NXNL2: variants seen among roughly 807,000 people sequenced by gnomAD.
NXNL2 encodes the protein nucleoredoxin-like protein 2.
Under a neutral mutation model 11.1 loss-of-function variants are expected in NXNL2, and 7 were observed. The observed-to-expected ratio is 0.63, with a 90% CI of 0.36 to 1.18. The LOEUF (loss-of-function observed/expected upper bound fraction) is 1.18, where lower values mean the gene tolerates loss of function less well. Ranked by LOEUF, NXNL2 falls within the 50% of genes most tolerant of loss-of-function variation. NXNL2 has a pLI of 0.02. For synonymous variants in NXNL2, 109 were observed against 101.8 expected (o/e 1.07, Z -0.42); for missense variants, 233 against 217.7 (o/e 1.07, Z -0.44).
At position 88,540,388 on chromosome 9, in the gene NXNL2, T is replaced by C. The variant is rs377622585; in HGVS notation, c.303-3991T>C. On this transcript the variant is annotated intron_variant, in intron 1 of 1. Transcript: ENST00000375854. ...ATTCTTAAGATGCTAGAGAGGGACA[T>C]CTCTGCCACATCTTTCATGCTGACT... is the stretch of plus-strand genomic sequence containing the variant. Among the ~76,000 whole-genome samples, 86 of 151,738 alleles carry C rather than the reference T, an allele frequency of 5.7e-4. 1 individual carries two copies. The South Asian group carries it at 0.017, about 29-fold the overall frequency.
chr9:88,574,620 C>G (rs1830321746), intron 2 of NXNL2, among the ~76,000 whole-genome samples: 1 of 152,190 alleles, frequency 6.6e-6, no homozygotes, highest in Non-Finnish European at 1.5e-5. Context: ...ATGTTGAGCT[C>G]TGTCTGTCCT....
exon 2 of NXNL2, chr9:88,571,101 T>G: frequency 2.4e-6 from 1 of 418,888 alleles, no homozygotes; most frequent in Non-Finnish European, 4.7e-6. Flanking sequence ...AGTCTCGCTC[T>G]GTTGCCCAGG....
chr9:88,576,959 G>A (rs1177378570), downstream of NXNL2, among the ~76,000 whole-genome samples: 2 of 14,684 alleles, frequency 1.4e-4, no homozygotes, highest in African/African-American at 3.5e-4. Flanking sequence ...CACCCATAGA[G>A]TGGTAGGTAG....
At chr9:88,574,617 G>C (rs552064363) in intron 2 of NXNL2, among the ~76,000 whole-genome samples, 43 of 152,210 alleles carry the variant, frequency 2.8e-4, no homozygotes, top group South Asian at 2.1e-4. Flanking sequence ...ATGATGTTGA[G>C]CTCTGTCTGT....
rs73487893 is a variant in NXNL2, at chr9:88,554,026, G to A, written c.303-17061G>A. On this transcript the variant is annotated intron_variant, in intron 1 of 2. Transcript: ENST00000375855. ...TCATCCATTCATTCATTCAACAGGC[G>A]TTTGGTTCTTCTCTCTCCAGGCCTG... Among the ~76,000 whole-genome samples the A allele has an allele frequency of 7.9e-3, 1,196 of 152,084 alleles. 11 individuals are homozygous for A. Among genetic ancestry groups the A allele is most frequent in the African/African-American group, 0.026 (1,068 of 41,420 alleles).
At chr9:88,555,548 G>A (rs770735205) in intron 1 of NXNL2, among the ~76,000 whole-genome samples, 2 of 152,206 alleles carry the variant, frequency 1.3e-5, no homozygotes, top group Non-Finnish European at 2.9e-5. Flanking sequence ...CACATCAGCA[G>A]GGTCTTTGTG....
At chr9:88,554,331 G>C (rs2118470149) in intron 1 of NXNL2, among the ~76,000 whole-genome samples, 1 of 152,262 alleles carries the variant, frequency 6.6e-6, no homozygotes, top group East Asian at 1.9e-4. Context: ...TCAGCCTCCT[G>C]AGTAGCTGGG....
At chr9:88,579,184 C>T (rs780500889), downstream of NXNL2, among the ~76,000 whole-genome samples, 30 of 152,184 alleles carry the variant, frequency 2.0e-4, no homozygotes, top group African/African-American at 3.4e-4. Context: ...TTTCATAACC[C>T]GAGACTCTGA....
intron 1 of NXNL2, among the ~76,000 whole-genome samples, chr9:88,568,718 G>C (rs1323065972): frequency 6.6e-6 from 1 of 151,938 alleles, no homozygotes; most frequent in Admixed American, 6.6e-5. Context: ...AACTTCCTTG[G>C]GTATTCTCAC....
chr9:88,535,859 G>C (rs1223511515), intron 1 of NXNL2, 123 bp downstream of exon 1: 1 of 745,566 alleles, frequency 1.3e-6, no homozygotes, highest in Non-Finnish European at 2.1e-6. Context: ...CCCGTCTCTC[G>C]GTTCACGTCC....
intron 1 of NXNL2, among the ~76,000 whole-genome samples, chr9:88,538,595 T>G (rs1587839566): frequency 6.6e-6 from 1 of 152,300 alleles, no homozygotes; most frequent in Admixed American, 6.5e-5. Flanking sequence ...CGCATTCCTG[T>G]ACTTTCCTCT....
intron 1 of NXNL2, among the ~76,000 whole-genome samples, chr9:88,544,168 T>C (rs1383040363): frequency 6.6e-6 from 1 of 151,458 alleles, no homozygotes; most frequent in Non-Finnish European, 1.5e-5. Context: ...CAAAACTCCA[T>C]CTCAAAAAAG....
intron 1 of NXNL2, among the ~76,000 whole-genome samples, chr9:88,561,016 G>A (rs1830079283): frequency 6.6e-6 from 1 of 152,190 alleles, no homozygotes; most frequent in Admixed American, 6.5e-5. Flanking sequence ...CACACATGGG[G>A]TGTGATGGTT....
downstream of NXNL2, among the ~76,000 whole-genome samples, chr9:88,546,358 T>TAGG (rs1012169361): frequency 4.0e-5 from 6 of 151,448 alleles, no homozygotes; most frequent in African/African-American, 1.5e-4. Context: ...CTTCGTCACC[T>TAGG]AGGGCTGGGA....
downstream of NXNL2, among the ~76,000 whole-genome samples, chr9:88,576,798 GGGT>G (rs1830353672): frequency 6.6e-6 from 1 of 152,168 alleles, no homozygotes; most frequent in East Asian, 1.9e-4. Context: ...GCTTTCCTCT[GGGT>G]TCTCTGGGAC....
chr9:88,577,657 C>A (rs1032867026), downstream of NXNL2, among the ~76,000 whole-genome samples: 1 of 150,218 alleles, frequency 6.7e-6, no homozygotes, highest in African/African-American at 2.5e-5. Flanking sequence ...AGAGAGCGAG[C>A]GAGCGCAGCA....
At chr9:88,581,723 T>C (rs1308954653) in intron 1 of NXNL2, among the ~76,000 whole-genome samples, 7 of 152,242 alleles carry the variant, frequency 4.6e-5, no homozygotes, top group Non-Finnish European at 1.0e-4. Flanking sequence ...CCCAAAGTGT[T>C]GGGATTACAG....
intron 1 of NXNL2, among the ~76,000 whole-genome samples, chr9:88,560,467 A>G (rs948711544): frequency 2.0e-5 from 3 of 152,082 alleles, no homozygotes; most frequent in Non-Finnish European, 4.4e-5. Flanking sequence ...AAAGATCCAC[A>G]TGGTGGATGC....
exon 2 of NXNL2, chr9:88,584,257 T>C (rs1209130096): frequency 6.6e-6 from 1 of 152,206 alleles, no homozygotes; most frequent in Non-Finnish European, 1.5e-5. Context: ...TCACTGACTG[T>C]GTTTGGAGGA....
Sources: gnomAD v4.1 joint callset for allele counts (sites outside exome capture counted in the v4.1 genomes callset) on GRCh38, gnomAD v4.1.1 for gene constraint, MANE v1.5 for transcripts, NCBI Gene and HGNC (gene_info 2026-07-23, HGNC 2026-07-21) for gene names.